Variants in RBFOX1 observed in about 807,000 individuals in gnomAD.
RBFOX1 encodes RNA binding protein fox-1 homolog 1.
In RBFOX1, 8 loss-of-function variants were observed where a neutral mutation model predicts 57.7. The observed-to-expected ratio is 0.14, with a 90% CI of 0.08 to 0.25. The LOEUF is 0.25. Ranked by LOEUF, RBFOX1 falls within the 10% of genes least tolerant of loss-of-function variation. The probability of loss-of-function intolerance (pLI) is 1.00; values close to 1 mark genes in which losing one functional copy is unlikely to be tolerated. For missense variants in RBFOX1, 611 were observed against 548.5 expected, an observed-to-expected ratio of 1.11 and a Z score of -1.14; for synonymous variants, 326 against 222.4, an observed-to-expected ratio of 1.47 and a Z score of -4.15.
At chr16:6,558,300 A>G (rs1328391290) in intron 2 of RBFOX1, among the ~76,000 whole-genome samples, 1 of 152,160 alleles carries the variant, frequency 6.6e-6, no homozygotes, top group African/African-American at 2.4e-5. Context: ...AGAATAAGAA[A>G]GAGGCCTTAC....
intron 3 of RBFOX1, among the ~76,000 whole-genome samples, chr16:6,807,219 C>T (rs1603627288): frequency 6.6e-6 from 1 of 151,890 alleles, no homozygotes; most frequent in Non-Finnish European, 1.5e-5. Context: ...GAGTCTGTTC[C>T]AGTAGTTCAA....
At chr16:6,868,086 T>C (rs952988141) in intron 3 of RBFOX1, among the ~76,000 whole-genome samples, 3 of 152,326 alleles carry the variant, frequency 2.0e-5, no homozygotes, top group Non-Finnish European at 4.4e-5. Flanking sequence ...TTGAGAAAAT[T>C]AATATGTGAA....
intron 4 of RBFOX1, among the ~76,000 whole-genome samples, chr16:7,348,805 G>A (rs918006279): frequency 2.0e-5 from 3 of 152,126 alleles, no homozygotes; most frequent in African/African-American, 7.2e-5. Flanking sequence ...AGCCAGGGGT[G>A]GTGGCACGTG....
rs142582084 is a variant in RBFOX1, at chr16:7,174,647, G to T, written c.27+122549G>T. 3.5e-4 allele frequency among the ~76,000 whole-genome samples: 53 copies of T among 152,270 alleles called. 1 individual carries two copies. Among genetic ancestry groups the T allele is most frequent in the African/African-American group, 1.2e-3 (48 of 41,542 alleles). On this transcript the variant is annotated intron_variant, in intron 4 of 15. Coordinates refer to ENST00000550418, the MANE Select transcript of RBFOX1 (RefSeq NM_018723.4). ...AATACAAAATTAGCCAGGCGTGGTG[G>T]TGGGTACCTGTAATCCCAGCTACTC... is the stretch of plus-strand genomic sequence containing the variant.
At chr16:5,340,295 C>T (rs761417299) in intron 1 of RBFOX1, among the ~76,000 whole-genome samples, 5 of 152,082 alleles carry the variant, frequency 3.3e-5, no homozygotes, top group African/African-American at 1.2e-4. Context: ...GGAATTTGGA[C>T]CAGGTTTGTG....
rs138214689 is a variant in RBFOX1, at chr16:6,418,027, C to G, written c.-64+100970C>G. The stretch of plus-strand genomic sequence containing the variant: ...ATCAAGATCAAATAAGAGACACAGG[C>G]CAAGCCTTCAAACAAGTTATACTGA... On this transcript the variant is annotated intron_variant, in intron 2 of 15. Coordinates refer to ENST00000550418, the MANE Select transcript of RBFOX1 (RefSeq NM_018723.4). Among the ~76,000 whole-genome samples, 249 of 152,266 alleles carry G rather than the reference C, an allele frequency of 1.6e-3. 1 individual carries two copies. The highest frequency in any genetic ancestry group is 5.0e-3 in the African/African-American group (206 of 41,554).
intron 3 of RBFOX1, among the ~76,000 whole-genome samples, chr16:7,025,405 T>G (rs887170605): frequency 1.3e-5 from 2 of 152,140 alleles, no homozygotes; most frequent in Non-Finnish European, 1.5e-5. Context: ...CCTTATGACC[T>G]GTATTTTGTG....
At chr16:6,743,405 T>C (rs1410542853) in intron 3 of RBFOX1, among the ~76,000 whole-genome samples, 1 of 152,054 alleles carries the variant, frequency 6.6e-6, no homozygotes, top group African/African-American at 2.4e-5. Flanking sequence ...AAGATCAAAT[T>C]ATAGGCTGTG....
chr16:5,968,223 T>A (rs77647220), intron 4 of RBFOX1, among the ~76,000 whole-genome samples: 2 of 152,056 alleles, frequency 1.3e-5, no homozygotes, highest in Non-Finnish European at 2.9e-5. Context: ...TATGGGCATG[T>A]ACCACCATGC....
At chr16:6,961,657 T>C (rs1421514142) in intron 3 of RBFOX1, among the ~76,000 whole-genome samples, 1 of 152,158 alleles carries the variant, frequency 6.6e-6, no homozygotes, top group Non-Finnish European at 1.5e-5. Flanking sequence ...GGGTGAATTA[T>C]GAGTTTTCTG....
At chr16:5,248,898 G>A (rs1290266204) in intron 1 of RBFOX1, among the ~76,000 whole-genome samples, 1 of 142,328 alleles carries the variant, frequency 7.0e-6, no homozygotes, top group Non-Finnish European at 1.5e-5. Flanking sequence ...TGAGCCACGT[G>A]AATTGCTTGA....
chr16:6,828,632 A>G (rs1349384018), intron 3 of RBFOX1, among the ~76,000 whole-genome samples: 6 of 152,152 alleles, frequency 3.9e-5, no homozygotes, highest in East Asian at 3.9e-4. Flanking sequence ...TGGACCCAAC[A>G]TGGTGCTGAA....
chr16:6,864,610 G>T (rs1184180688), intron 3 of RBFOX1, among the ~76,000 whole-genome samples: 1 of 150,448 alleles, frequency 6.6e-6, no homozygotes, highest in Non-Finnish European at 1.5e-5. Flanking sequence ...TCAACGGCAG[G>T]ATATTTGAGA....
In RBFOX1 at chr16:6,204,013, C is replaced by G. The variant is rs533363082; in HGVS notation, c.-126-112982C>G. Among the ~76,000 whole-genome samples the G allele has an allele frequency of 2.1e-5, 3 of 145,478 alleles. 1 individual carries two copies. In the South Asian group the frequency reaches 6.6e-4, roughly 32 times the overall value. On this transcript the variant is annotated intron_variant, in intron 1 of 15. Coordinates refer to ENST00000550418, the MANE Select transcript of RBFOX1 (RefSeq NM_018723.4). ...TTTTTTTTCGTGAATGACTAACAAT[C>G]TACCATCAGAAATGACATTCATAAA...
intron 1 of RBFOX1, among the ~76,000 whole-genome samples, chr16:5,294,424 G>T (rs377661126): frequency 6.6e-6 from 1 of 152,124 alleles, no homozygotes; most frequent in Non-Finnish European, 1.5e-5. Flanking sequence ...TGTTTTACTT[G>T]TGTCCTTTTC....
At position 7,712,398 on chromosome 16, in the gene RBFOX1, T is replaced by C. The variant is rs2084131546; in HGVS notation, c.*1653T>C. The C allele has an allele frequency of 6.6e-6, 1 of 152,400 alleles. No homozygotes were observed. The highest frequency in any genetic ancestry group is 6.6e-5 in the Admixed American group (1 of 15,262). The allele number at this position is 152,400 out of a possible 1,614,324, so 9.4% of individuals were successfully genotyped here. A position where few individuals can be genotyped will look rare whatever the true frequency, so the allele number is the denominator to read the frequency against. Reference sequence around the variant, plus strand: ...CTTTAAAACAAAACCAAACAAAACTTTAAAAAAAAATGTGTGATCCAGCTT... The same window carrying C: ...CTTTAAAACAAAACCAAACAAAACTCTAAAAAAAAATGTGTGATCCAGCTT... On this transcript the variant is annotated 3_prime_UTR_variant, in exon 16 of 16. Coordinates refer to ENST00000550418, the MANE Select transcript of RBFOX1 (RefSeq NM_018723.4).
At chr16:6,431,124 CAAGATCCTATCTCAAAAAATAAAATTAAA>C in intron 2 of RBFOX1, among the ~76,000 whole-genome samples, 1 of 151,690 alleles carries the variant, frequency 6.6e-6, no homozygotes, top group Non-Finnish European at 1.5e-5. Context: ...GGTGACAGAG[CAAGATCCTATCTCAAAAAATAAAATTAAA>C]AAGATGCTAC....
At chr16:7,107,842 A>C (rs1404662466) in intron 4 of RBFOX1, among the ~76,000 whole-genome samples, 2 of 151,636 alleles carry the variant, frequency 1.3e-5, no homozygotes, top group African/African-American at 4.8e-5. Context: ...TCTAACAATA[A>C]CCTCCTTGTT....
At chr16:6,936,446 C>T (rs964667030) in intron 3 of RBFOX1, among the ~76,000 whole-genome samples, 12 of 152,110 alleles carry the variant, frequency 7.9e-5, no homozygotes, top group African/African-American at 2.9e-4. Flanking sequence ...TTTGTTAGTG[C>T]CTGTCCTATT....
Sources: gnomAD v4.1 joint callset for allele counts (sites outside exome capture counted in the v4.1 genomes callset) on GRCh38, gnomAD v4.1.1 for gene constraint, MANE v1.5 for transcripts, NCBI Gene and HGNC (gene_info 2026-07-23, HGNC 2026-07-21) for gene names.